The following GALNT15 variants were observed in gnomAD, a reference collection of about 807,000 sequenced individuals.
The protein encoded by GALNT15 is polypeptide N-acetylgalactosaminyltransferase 15.
Under a neutral mutation model 66.8 loss-of-function variants are expected in GALNT15, and 67 were observed. That is an observed-to-expected ratio of 1.00 (90% CI 0.82 to 1.23). The LOEUF is 1.23. Ranked by LOEUF, GALNT15 falls within the 50% of genes most tolerant of loss-of-function variation. The pLI is 0.00. For missense variants in GALNT15, 827 were observed against 804.3 expected (o/e 1.03, Z -0.34); for synonymous variants, 313 against 311.5 (o/e 1.00, Z -0.05).
the GALNT15 span, among the ~76,000 whole-genome samples, chr3:16,245,200 T>C: frequency 6.6e-6 from 1 of 152,158 alleles, no homozygotes. Context: ...AGTGGCAACT[T>C]TAACGTGTCC....
chr3:16,226,236 C>T (rs1054608648), intron 9 of GALNT15, among the ~76,000 whole-genome samples: 19 of 151,932 alleles, frequency 1.3e-4, no homozygotes, highest in African/African-American at 3.9e-4. Flanking sequence ...TTTCTTTTTA[C>T]GTAATGAAAA....
Position 16,200,908 on chromosome 3 carries a change from C to G in GALNT15, c.911+85C>G. 2.0e-6 allele frequency: 2 copies of G among 990,912 alleles called. No individual in the cohort carries two copies. Among genetic ancestry groups the G allele is most frequent in the South Asian group, 3.6e-5 (2 of 56,064 alleles). The allele number at this position is 990,912 out of a possible 1,614,324, so 61.4% of individuals were successfully genotyped here. A position where few individuals can be genotyped will look rare whatever the true frequency, so the allele number is the denominator to read the frequency against. ...ATCAGCCACTCACAGAGCAACCCAC[C>G]TATTAATTCCTGAATCTCCATTAGA... On this transcript the variant is annotated intron_variant, in intron 3 of 9. Transcript: ENST00000339732. The surrounding 1 kb of genome is among the most constrained non-coding windows in gnomAD (Gnocchi z 4.4).
In GALNT15 at chr3:16,200,948, C is replaced by T. The variant is rs1432394631; in HGVS notation, c.911+125C>T. The stretch of plus-strand genomic sequence containing the variant: ...TCTCCATTAGAGAGTGATATATTCC[C>T]TTCGGGTTTTCAGATGTGTAAGTTT... On this transcript the variant is annotated intron_variant, in intron 3 of 9. Coordinates refer to ENST00000339732, the MANE Select transcript of GALNT15 (RefSeq NM_054110.5). The surrounding 1 kb of genome is among the most constrained non-coding windows in gnomAD (Gnocchi z 4.4). 5.8e-6 allele frequency: 4 copies of T among 686,940 alleles called. No homozygotes were observed. The highest frequency in any genetic ancestry group is 1.9e-5 in the African/African-American group (1 of 53,514). The allele number at this position is 686,940 out of a possible 1,614,324, so 42.6% of individuals were successfully genotyped here. A position where few individuals can be genotyped will look rare whatever the true frequency, so the allele number is the denominator to read the frequency against.
At chr3:16,245,143 A>G in the GALNT15 span, among the ~76,000 whole-genome samples, 2 of 152,170 alleles carry the variant, frequency 1.3e-5, no homozygotes, top group Admixed American at 6.5e-5. Context: ...CAGGTGGATA[A>G]TTATACAACG....
intron 5 of GALNT15, 143 bp from the exon 6 acceptor site, chr3:16,212,426 A>G: frequency 1.3e-6 from 1 of 757,012 alleles, no homozygotes; most frequent in Non-Finnish European, 2.1e-6. Context: ...ACTCTACGCC[A>G]CCCTGAGGAC....
chr3:16,197,256 C>T lies in GALNT15; in HGVS notation c.706+1330C>T, dbSNP rs571690641. 6.6e-5 allele frequency among the ~76,000 whole-genome samples: 10 copies of T among 152,228 alleles called. No homozygotes were observed. The South Asian group carries it at 2.1e-3, about 32-fold the overall frequency. ...AAATGGGCTACCCCAGAGCTGGCAG[C>T]CCCACCAGAGGGGATCTGGATCCCC... On this transcript the variant is annotated intron_variant, in intron 2 of 9. Coordinates refer to ENST00000339732, the MANE Select transcript of GALNT15 (RefSeq NM_054110.5).
chr3:16,179,605 A>G (rs1231574276), intron 1 of GALNT15, among the ~76,000 whole-genome samples: 1 of 152,186 alleles, frequency 6.6e-6, no homozygotes, highest in Non-Finnish European at 1.5e-5. Flanking sequence ...GGTACATTCA[A>G]CAATGAAGGG....
chr3:16,177,193 T>C (rs1440327918), intron 1 of GALNT15, among the ~76,000 whole-genome samples: 2 of 152,198 alleles, frequency 1.3e-5, no homozygotes, highest in Admixed American at 1.3e-4. Flanking sequence ...CAACATGCAG[T>C]AAAGAAGTGA....
Position 16,204,482 on chromosome 3 carries a change from C to T in GALNT15, c.911+3659C>T, listed in dbSNP as rs921547538. The stretch of plus-strand genomic sequence containing the variant: ...TCCCTATGGGCAACTGATTTTAGGG[C>T]AGCCCTGGGAGATGCTGATTGATGG... On this transcript the variant is annotated intron_variant, in intron 3 of 9. Coordinates refer to ENST00000339732, the MANE Select transcript of GALNT15 (RefSeq NM_054110.5). This position sits in a 1 kb window ranked among gnomAD's most constrained non-coding sequence, Gnocchi z 4.5. Among the ~76,000 whole-genome samples, 2 of 152,140 alleles carry T rather than the reference C, an allele frequency of 1.3e-5. No homozygotes were observed. Among genetic ancestry groups the T allele is most frequent in the African/African-American group, 4.8e-5 (2 of 41,438 alleles).
Position 16,180,674 on chromosome 3 carries a change from C to T in GALNT15, c.539+4984C>T, listed in dbSNP as rs2063460610. ...GAGCTGGTAGAGTTTGGGAAGTTTC[C>T]ACGTAGGAAGCAATACTAGAGTCAG... On this transcript the variant is annotated intron_variant, in intron 1 of 9. Transcript: ENST00000339732. This position sits in a 1 kb window ranked among gnomAD's most constrained non-coding sequence, Gnocchi z 5.0. 1.3e-5 allele frequency among the ~76,000 whole-genome samples: 2 copies of T among 152,126 alleles called. No homozygotes were observed. The highest frequency in any genetic ancestry group is 4.1e-4 in the South Asian group (2 of 4,822).
In GALNT15 at chr3:16,175,226, C is replaced by A. The variant is rs745951114; in HGVS notation, c.75C>A (p.Cys25Ter). Reference protein sequence around the residue: ...QFLLLLLMLGCVLMMVAMLHP... With the variant: ...QFLLLLLMLG ...TCCTGCTGCTCCTGATGCTGGGATGCGTCCTGATGATGGTGGCGATGTTGC... is the reference window on the plus strand; with the variant it reads ...TCCTGCTGCTCCTGATGCTGGGATGAGTCCTGATGATGGTGGCGATGTTGC... The change falls in exon 1 of 10, where the codon TGC (cysteine) becomes TGA (stop). Residue 25 changes from cysteine to a stop codon, truncating the protein, a stop_gained. Coordinates refer to ENST00000339732, the MANE Select transcript of GALNT15 (RefSeq NM_054110.5). LOFTEE classifies it high-confidence loss of function. The surrounding 1 kb of genome is among the most constrained non-coding windows in gnomAD (Gnocchi z 5.6). 2 of 1,614,168 alleles carry A rather than the reference C, an allele frequency of 1.2e-6. No individual in the cohort carries two copies. The highest frequency in any genetic ancestry group is 1.1e-5 in the South Asian group (1 of 91,086).
At position 16,220,571 on chromosome 3, in the gene GALNT15, C is replaced by T. The variant is rs1435539675; in HGVS notation, c.1629+557C>T. Among the ~76,000 whole-genome samples the T allele has an allele frequency of 2.0e-5, 3 of 152,290 alleles. No individual in the cohort carries two copies. In the East Asian group the frequency reaches 5.8e-4, roughly 29 times the overall value. ...GATGCTAGCTGAGGGCTGGTAGGTC[C>T]ACTTCTTTTCACAACTGGATCACAA... On this transcript the variant is annotated intron_variant, in intron 8 of 9. Coordinates refer to ENST00000339732, the MANE Select transcript of GALNT15 (RefSeq NM_054110.5).
At chr3:16,197,244 C>A (rs903113819) in intron 2 of GALNT15, among the ~76,000 whole-genome samples, 4 of 152,120 alleles carry the variant, frequency 2.6e-5, no homozygotes, top group Non-Finnish European at 5.9e-5. Context: ...TGGGCTACCC[C>A]AGAGCTGGCA....
At position 16,203,256 on chromosome 3, in the gene GALNT15, CAT is replaced by C. The variant is rs1164591892; in HGVS notation, c.911+2434_911+2435del. Among the ~76,000 whole-genome samples, 2 of 152,104 alleles carry C rather than the reference CAT, an allele frequency of 1.3e-5. No individual in the cohort carries two copies. The highest frequency in any genetic ancestry group is 4.8e-5 in the African/African-American group (2 of 41,390). On this transcript the variant is annotated intron_variant, in intron 3 of 9. Transcript: ENST00000339732. This position sits in a 1 kb window ranked among gnomAD's most constrained non-coding sequence, Gnocchi z 6.2. The stretch of plus-strand genomic sequence containing the variant: ...CCTAACCCCACAACTGGTTATGAGA[CAT>C]GTGTTACCTGCTGCTGTGAGTCCCT...
downstream of GALNT15, chr3:16,232,118 C>A: frequency 1.8e-6 from 1 of 570,416 alleles, no homozygotes; most frequent in Non-Finnish European, 2.8e-6. Context: ...TTCTCCAACC[C>A]AAACCATATG....
At chr3:16,238,173 C>G in the GALNT15 span, among the ~76,000 whole-genome samples, 3 of 152,060 alleles carry the variant, frequency 2.0e-5, no homozygotes, top group Admixed American at 6.6e-5. The surrounding 1 kb of genome is among the most constrained non-coding windows in gnomAD (Gnocchi z 4.8). Flanking sequence ...TTCGTGGATT[C>G]CAGTATGGAG....
chr3:16,201,633 G>A (rs894914062), intron 3 of GALNT15, among the ~76,000 whole-genome samples: 6 of 152,090 alleles, frequency 3.9e-5, no homozygotes, highest in African/African-American at 1.4e-4. Context: ...TATATAAGGG[G>A]TCCCTAATTT....
At position 16,191,064 on chromosome 3, in the gene GALNT15, T is replaced by A. The variant is rs925791409; in HGVS notation, c.540-4696T>A. ...AAGAACCCATTTGGCCTTTCACATC[T>A]CTTAGCAGCCTGTTTAGTTTATCCC... On this transcript the variant is annotated intron_variant, in intron 1 of 9. Coordinates refer to ENST00000339732, the MANE Select transcript of GALNT15 (RefSeq NM_054110.5). This position sits in a 1 kb window ranked among gnomAD's most constrained non-coding sequence, Gnocchi z 5.2. Among the ~76,000 whole-genome samples, 2 of 152,160 alleles carry A rather than the reference T, an allele frequency of 1.3e-5. No homozygotes were observed. The highest frequency in any genetic ancestry group is 4.8e-5 in the African/African-American group (2 of 41,434).
chr3:16,208,720 T>A (rs1173086328), intron 4 of GALNT15, 50 bp downstream of exon 4: 1 of 1,547,650 alleles, frequency 6.5e-7, no homozygotes, highest in Non-Finnish European at 8.9e-7. Flanking sequence ...CAGGATGGAC[T>A]CTGCAGCCTG....
Sources: gnomAD v4.1 joint callset for allele counts (sites outside exome capture counted in the v4.1 genomes callset) on GRCh38, gnomAD v4.1.1 for gene constraint, Gnocchi (gnomAD v3.1) non-coding constraint, MANE v1.5 for transcripts, NCBI Gene and HGNC (gene_info 2026-07-23, HGNC 2026-07-21) for gene names.